Variants in KAZN observed in about 807,000 individuals in gnomAD.
KAZN encodes kazrin.
KAZN carries 40 observed loss-of-function variants against 87.4 expected under a neutral mutation model. The ratio of observed to expected loss-of-function variants is 0.46; its 90% CI spans 0.36 to 0.60. KAZN has a LOEUF of 0.60. Ranked by LOEUF, KAZN falls within the 20% of genes least tolerant of loss-of-function variation. The pLI, the probability that KAZN is intolerant of heterozygous loss-of-function variation, is 0.00. For missense variants in KAZN, 898 were observed against 1,073.9 expected (o/e 0.84, Z 2.29); for synonymous variants, 466 against 458.3 (o/e 1.02, Z -0.22).
intron 8 of KAZN, among the ~76,000 whole-genome samples, chr1:15,085,536 C>A (rs567801025): frequency 6.6e-6 from 1 of 152,332 alleles, no homozygotes; most frequent in South Asian, 2.1e-4. Context: ...CCATGTTGCC[C>A]AGGCTGGTCT....
At chr1:13,932,544 G>T (rs12126875) in intron 1 of KAZN, among the ~76,000 whole-genome samples, 1 of 152,202 alleles carries the variant, frequency 6.6e-6, no homozygotes, top group Non-Finnish European at 1.5e-5. Flanking sequence ...ACAGGCGTGA[G>T]CCACCGCGCC....
At chr1:14,011,639 A>G (rs1362025110) in intron 1 of KAZN, among the ~76,000 whole-genome samples, 1 of 152,158 alleles carries the variant, frequency 6.6e-6, no homozygotes, top group Admixed American at 6.5e-5. Flanking sequence ...CTAGGAATGT[A>G]GAGCCAGACT....
chr1:15,028,123 C>T (rs1194193537), intron 2 of KAZN, among the ~76,000 whole-genome samples: 4 of 152,182 alleles, frequency 2.6e-5, no homozygotes, highest in Admixed American at 6.5e-5. Context: ...ACAGCTGGGC[C>T]CCTGGTTACA....
At chr1:14,568,263 G>C (rs928597591) in intron 2 of KAZN, among the ~76,000 whole-genome samples, 3 of 152,172 alleles carry the variant, frequency 2.0e-5, no homozygotes, top group Non-Finnish European at 4.4e-5. Context: ...GTGACCTTTA[G>C]GGGCTGAGGA....
intron 1 of KAZN, among the ~76,000 whole-genome samples, chr1:14,748,502 C>T (rs188405627): frequency 6.6e-6 from 1 of 152,248 alleles, no homozygotes; most frequent in Admixed American, 6.5e-5. Flanking sequence ...GTGCCTCCGT[C>T]GTCTCATCCG....
At chr1:14,444,200 T>C (rs562639943) in intron 2 of KAZN, among the ~76,000 whole-genome samples, 3 of 152,148 alleles carry the variant, frequency 2.0e-5, no homozygotes, top group African/African-American at 4.8e-5. Context: ...ATACCCCTTA[T>C]GGAAAATGAT....
At chr1:14,112,035 G>A (rs1267321085) in intron 1 of KAZN, among the ~76,000 whole-genome samples, 2 of 151,994 alleles carry the variant, frequency 1.3e-5, no homozygotes, top group African/African-American at 4.8e-5. Context: ...ACCACGCTCA[G>A]CCCCTTTGCC....
At chr1:14,975,903 G>A (rs1481981417) in intron 2 of KAZN, among the ~76,000 whole-genome samples, 4 of 151,964 alleles carry the variant, frequency 2.6e-5, no homozygotes. Flanking sequence ...GTAGTGGCGG[G>A]CGCCTGTAGT....
At position 14,086,168 on chromosome 1, in the gene KAZN, A is replaced by G. The variant is rs138715162; in HGVS notation, c.92-94267A>G. Among the ~76,000 whole-genome samples the G allele has an allele frequency of 6.6e-3, 991 of 151,168 alleles. 10 individuals are homozygous for G. The South Asian group carries it at 0.067, about 10-fold the overall frequency. ...GACGCAAATCTCTTATCAAATATACATCTTGCAAATATTTTATTTTGGTTT... is the reference window on the plus strand; with the variant it reads ...GACGCAAATCTCTTATCAAATATACGTCTTGCAAATATTTTATTTTGGTTT... On this transcript the variant is annotated intron_variant, in intron 1 of 16. Transcript: ENST00000636203.
chr1:14,418,924 T>C (rs1384197894), intron 2 of KAZN, among the ~76,000 whole-genome samples: 1 of 152,210 alleles, frequency 6.6e-6, no homozygotes, highest in Non-Finnish European at 1.5e-5. Flanking sequence ...GATGGGGGTT[T>C]GTGGGGACCA....
At chr1:14,750,148 C>A (rs1297161380) in intron 1 of KAZN, among the ~76,000 whole-genome samples, 1 of 152,104 alleles carries the variant, frequency 6.6e-6, no homozygotes, top group African/African-American at 2.4e-5. Context: ...CAGGGTACCT[C>A]TCTGGGCTAT....
At chr1:14,136,038 G>T (rs941006723) in intron 1 of KAZN, among the ~76,000 whole-genome samples, 3 of 152,110 alleles carry the variant, frequency 2.0e-5, no homozygotes, top group Admixed American at 2.0e-4. Context: ...TGTTGTGGAG[G>T]TCTCTGAAGA....
chr1:15,047,310 C>G (rs1003009154), intron 4 of KAZN, among the ~76,000 whole-genome samples: 1 of 152,318 alleles, frequency 6.6e-6, no homozygotes, highest in East Asian at 1.9e-4. Flanking sequence ...CCAGCTCCCC[C>G]ACTGCACAGC....
At chr1:14,209,679 T>C (rs1646813838) in intron 2 of KAZN, among the ~76,000 whole-genome samples, 1 of 152,234 alleles carries the variant, frequency 6.6e-6, no homozygotes, top group Non-Finnish European at 1.5e-5. Flanking sequence ...GTTCCAATTA[T>C]GTAGGCAGGT....
chr1:15,019,314 C>T (rs995058833), intron 2 of KAZN, among the ~76,000 whole-genome samples: 7 of 152,234 alleles, frequency 4.6e-5, no homozygotes, highest in Non-Finnish European at 7.3e-5. Flanking sequence ...ACCAGACCCA[C>T]CCAGCCTGAA....
chr1:13,923,522 G>A (rs1350129817), intron 1 of KAZN, among the ~76,000 whole-genome samples: 8 of 146,334 alleles, frequency 5.5e-5, no homozygotes, highest in African/African-American at 7.7e-5. Context: ...GCAGTGAGCC[G>A]AGATCGCGCC....
At position 14,071,671 on chromosome 1, in the gene KAZN, G is replaced by A. The variant is rs72861265; in HGVS notation, c.92-108764G>A. ...CAGCAGGTACAGGTGTGTCGCTAGC[G>A]GGCACCTCCTGCAGCAATCTCTCCC... On this transcript the variant is annotated intron_variant, in intron 1 of 16. Coordinates refer to the KAZN transcript ENST00000636203. 7.6e-3 allele frequency among the ~76,000 whole-genome samples: 1,160 copies of A among 152,198 alleles called. 13 individuals are homozygous for A. The highest frequency in any genetic ancestry group is 0.026 in the African/African-American group (1,082 of 41,518).
At chr1:13,910,088 G>A (rs1449361539) in intron 1 of KAZN, among the ~76,000 whole-genome samples, 1 of 152,242 alleles carries the variant, frequency 6.6e-6, no homozygotes, top group Non-Finnish European at 1.5e-5. Context: ...ATGGTAACCC[G>A]CAATGTTGGA....
Position 14,772,483 on chromosome 1 carries a change from CA to C in KAZN, c.226+173261del, listed in dbSNP as rs1261926075. On this transcript the variant is annotated intron_variant, in intron 1 of 14. Coordinates refer to ENST00000376030, the MANE Select transcript of KAZN (RefSeq NM_201628.3). The stretch of plus-strand genomic sequence containing the variant: ...TGGGTGACAGAGTGAGATCCTGCAC[CA>C]CCACCCCTGCCCCAATCACCTAATA... Among the ~76,000 whole-genome samples, 10 of 151,180 alleles carry C rather than the reference CA, an allele frequency of 6.6e-5. No homozygotes were observed. The East Asian group carries it at 2.0e-3, about 30-fold the overall frequency.
Sources: allele counts gnomAD v4.1 joint callset (sites outside exome capture counted in the v4.1 genomes callset), GRCh38; gene constraint gnomAD v4.1.1; transcripts MANE v1.5; gene names NCBI Gene and HGNC (gene_info 2026-07-23, HGNC 2026-07-21).